SLC9A7: variants seen among roughly 807,000 people sequenced by gnomAD.
SLC9A7 encodes the protein sodium/hydrogen exchanger 7.
A neutral mutation model predicts 52.6 loss-of-function variants in SLC9A7; 19 were observed. The ratio of observed to expected loss-of-function variants is 0.36; its 90% CI spans 0.25 to 0.53. The LOEUF (loss-of-function observed/expected upper bound fraction) is 0.53, where lower values mean the gene tolerates loss of function less well. SLC9A7 is among the 20% of genes least tolerant of loss of function. The pLI is 0.91. For missense variants in SLC9A7, 455 were observed against 597.9 expected, an observed-to-expected ratio of 0.76 and a Z score of 2.49; for synonymous variants, 226 against 252.1, an observed-to-expected ratio of 0.90 and a Z score of 0.98.
intron 1 of SLC9A7, among the ~76,000 whole-genome samples, chrX:46,700,175 C>T (rs1481451232): frequency 9.0e-6 from 1 of 111,108 alleles, no homozygotes; most frequent in Non-Finnish European, 1.9e-5. Flanking sequence ...GGGTTAGGTC[C>T]AAGGCCCTTT....
chrX:46,682,415 T>C lies in SLC9A7; in HGVS notation c.446A>G (p.Lys149Arg), dbSNP rs1569517009. The change falls in exon 2 of 17, where the codon AAG becomes AGG. Residue 149 changes from lysine to arginine, a missense_variant. By Grantham distance (26) the Lys-to-Arg change is conservative. Transcript: ENST00000616978. ...FSTLLVNVSG[K>R]FFEYTLKGEI... ...TCCTTTCAGAGTGTATTCGAAGAAC[T>C]TTCCGCTGACATTCACTAATAAGGT... 1.7e-6 allele frequency: 2 copies of C among 1,211,366 alleles called. No homozygotes were observed. Among genetic ancestry groups the C allele is most frequent in the Non-Finnish European group, 2.2e-6 (2 of 895,316 alleles).
chrX:46,689,185 TTTTTGTTTTG>T (rs763384894), intron 1 of SLC9A7, among the ~76,000 whole-genome samples: 9 of 112,109 alleles, frequency 8.0e-5, no homozygotes, highest in East Asian at 2.8e-4. Flanking sequence ...CAACCACTGC[TTTTTGTTTTG>T]TTTTGTTTTG....
At chrX:46,686,389 TA>T (rs1299042269) in intron 1 of SLC9A7, among the ~76,000 whole-genome samples, 1 of 112,234 alleles carries the variant, frequency 8.9e-6, no homozygotes, top group Non-Finnish European at 1.9e-5. Flanking sequence ...GATTCATATT[TA>T]TTACCACTAT....
In SLC9A7 at chrX:46,613,291, C is replaced by G. The variant is rs748780698; in HGVS notation, c.1927G>C (p.Asp643His). ...ARCLTSPQVY[D>H]NQEPLREEDS... is the part of the protein sequence containing the mutation. ...CAACCCTGATGTGCAGTACTTACAT[C>G]GTACACCTGGGGACTGGTCAGACAT... The change falls in exon 16 of 17, where the codon GAT (aspartate) becomes CAT (histidine). Residue 643 changes from aspartate to histidine, a missense_variant and splice_region_variant. Coordinates refer to ENST00000616978, the MANE Select transcript of SLC9A7 (RefSeq NM_001257291.2). The G allele has an allele frequency of 8.4e-7, 1 of 1,193,054 alleles. No individual in the cohort carries two copies. The highest frequency in any genetic ancestry group is 2.2e-5 in the Admixed American group (1 of 44,651).
intron 1 of SLC9A7, among the ~76,000 whole-genome samples, chrX:46,730,317 T>TA (rs1945007888): frequency 9.1e-6 from 1 of 110,089 alleles, no homozygotes; most frequent in Non-Finnish European, 1.9e-5. Context: ...AAAATCTTTT[T>TA]AAAAAAAGAA....
intron 16 of SLC9A7, among the ~76,000 whole-genome samples, chrX:46,610,269 T>C (rs1350862483): frequency 6.2e-5 from 7 of 112,582 alleles, no homozygotes. Context: ...TAACCAGAAG[T>C]CATTTTCAAA....
At chrX:46,744,350 T>C (rs1022429974) in intron 1 of SLC9A7, among the ~76,000 whole-genome samples, 1 of 112,289 alleles carries the variant, frequency 8.9e-6, no homozygotes, top group Non-Finnish European at 1.9e-5. Flanking sequence ...TAGAACAGGG[T>C]TCTACTGGAA....
At chrX:46,689,078 C>T (rs1402882363) in intron 1 of SLC9A7, among the ~76,000 whole-genome samples, 6 of 110,989 alleles carry the variant, frequency 5.4e-5, no homozygotes, top group African/African-American at 2.0e-4. Flanking sequence ...ATGTAAGCAC[C>T]ACTGCAACAA....
At chrX:46,749,909 C>T (rs1365362041) in intron 1 of SLC9A7, among the ~76,000 whole-genome samples, 2 of 109,796 alleles carry the variant, frequency 1.8e-5, no homozygotes, top group East Asian at 5.7e-4. Flanking sequence ...CGTGAAACCC[C>T]GTCTCTACTA....
chrX:46,676,789 A>G (rs1338319925), intron 3 of SLC9A7, among the ~76,000 whole-genome samples: 1 of 111,421 alleles, frequency 9.0e-6, no homozygotes, highest in Admixed American at 9.6e-5. Context: ...GACCCTGGCA[A>G]CCCCAGAGTA....
At chrX:46,623,853 A>T (rs766999875) in intron 14 of SLC9A7, among the ~76,000 whole-genome samples, 17 of 111,921 alleles carry the variant, frequency 1.5e-4, no homozygotes, top group Non-Finnish European at 2.6e-4. Flanking sequence ...GCTCCTTTCA[A>T]GCACACCTGA....
intron 1 of SLC9A7, among the ~76,000 whole-genome samples, chrX:46,750,858 T>C (rs1250775228): frequency 8.9e-6 from 1 of 112,576 alleles, no homozygotes; most frequent in Non-Finnish European, 1.9e-5. Context: ...GCAACCAAGA[T>C]GTCCTTCAGT....
chrX:46,682,726 C>T (rs1281429143), intron 1 of SLC9A7, among the ~76,000 whole-genome samples, 191 bp from the exon 2 acceptor site: 1 of 111,027 alleles, frequency 9.0e-6, no homozygotes, highest in Non-Finnish European at 1.9e-5. Flanking sequence ...TATTCTGGTC[C>T]GATTTAAGTT....
chrX:46,678,237 T>C (rs774247328), intron 3 of SLC9A7, among the ~76,000 whole-genome samples: 1 of 110,345 alleles, frequency 9.1e-6, no homozygotes, highest in East Asian at 2.8e-4. Context: ...AGGCAAAATC[T>C]CTCTTCTCTA....
intron 2 of SLC9A7, among the ~76,000 whole-genome samples, chrX:46,680,348 CA>C (rs372898654): frequency 0.033 from 2,106 of 64,388 alleles, 39 homozygotes; most frequent in African/African-American, 0.091. Flanking sequence ...GACTCCATCT[CA>C]AAAAAAAAAA....
intron 10 of SLC9A7, 49 bp from the exon 11 acceptor site, chrX:46,648,846 T>A (rs1466932917): frequency 2.1e-6 from 2 of 936,543 alleles, no homozygotes; most frequent in Non-Finnish European, 3.1e-6. Context: ...CAGAATGGCA[T>A]TCCACACAAC....
At chrX:46,730,669 ATTATATATATATATAT>A (rs1945016168) in intron 1 of SLC9A7, among the ~76,000 whole-genome samples, 1 of 13,721 alleles carries the variant, frequency 7.3e-5, no homozygotes, top group Non-Finnish European at 2.0e-4. Context: ...AAAAAAAAAA[ATTATATATATATATAT>A]ATATATATAT....
intron 15 of SLC9A7, among the ~76,000 whole-genome samples, chrX:46,614,116 T>C (rs1371451158): frequency 1.8e-5 from 2 of 111,008 alleles, no homozygotes; most frequent in Middle Eastern, 4.6e-3. Context: ...TGGTAGGATA[T>C]TGAGCAGCAT....
rs772252107 is a variant in SLC9A7, at chrX:46,665,576, A to G, written c.794-2933T>C. On this transcript the variant is annotated intron_variant, in intron 5 of 16. Transcript: ENST00000616978. Reference sequence around the variant, plus strand: ...CCATCTCAAAAAAAAAAAAAAAAAAAAAAGAAATTGTTAAGATAGTAAATT... The same window carrying G: ...CCATCTCAAAAAAAAAAAAAAAAAAGAAAGAAATTGTTAAGATAGTAAATT... Among the ~76,000 whole-genome samples the G allele has an allele frequency of 5.4e-3, 596 of 109,406 alleles. 5 individuals are homozygous for G. The highest frequency in any genetic ancestry group is 9.3e-3 in the Middle Eastern group (2 of 214).
Sources: allele counts gnomAD v4.1 joint callset (sites outside exome capture counted in the v4.1 genomes callset), GRCh38; gene constraint gnomAD v4.1.1; transcripts MANE v1.5; gene names NCBI Gene and HGNC (gene_info 2026-07-23, HGNC 2026-07-21).